CHAC2: variants seen among roughly 807,000 people sequenced by gnomAD.
CHAC2 encodes the protein glutathione-specific gamma-glutamylcyclotransferase 2.
A neutral mutation model predicts 16.9 loss-of-function variants in CHAC2; 20 were observed. That is an observed-to-expected ratio of 1.18 (90% CI 0.83 to 1.72). The LOEUF is 1.72. Ranked by LOEUF, CHAC2 falls within the 40% of genes most tolerant of loss-of-function variation. The probability of loss-of-function intolerance (pLI) is 0.00; values close to 1 mark genes in which losing one functional copy is unlikely to be tolerated. For synonymous variants in CHAC2, 91 were observed against 77.3 expected, an observed-to-expected ratio of 1.18 and a Z score of -0.93; for missense variants, 269 against 222.2, an observed-to-expected ratio of 1.21 and a Z score of -1.34.
At chr2:53,768,236 G>A (rs188157536) in intron 1 of CHAC2, 36 of 560,588 alleles carry the variant, frequency 6.4e-5, no homozygotes, top group African/African-American at 6.2e-4. Flanking sequence ...AGATGCCGGT[G>A]GTTAGTCTCT....
Position 53,774,614 on chromosome 2 carries a change from G to A in CHAC2, c.*89G>A. 1.0e-6 allele frequency: 1 copy of A among 959,918 alleles called. No individual in the cohort carries two copies. The highest frequency in any genetic ancestry group is 2.4e-5 in the South Asian group (1 of 42,518). The allele number at this position is 959,918 out of a possible 1,614,324, so 59.5% of individuals were successfully genotyped here. A position where few individuals can be genotyped will look rare whatever the true frequency, so the allele number is the denominator to read the frequency against. On this transcript the variant is annotated 3_prime_UTR_variant, in exon 3 of 3. Coordinates refer to ENST00000295304, the MANE Select transcript of CHAC2 (RefSeq NM_001008708.4). ...AAAGATCTTATTTTTAATGTAGTGA[G>A]GATATTATTTAAACTTTTATTTTAA...
rs1033549820 is a variant in CHAC2 at position 53,774,660 on chromosome 2, A to G, written c.*135A>G. 6.5e-6 allele frequency: 4 copies of G among 619,062 alleles called. No homozygotes were observed. Among genetic ancestry groups the G allele is most frequent in the African/African-American group, 5.7e-5 (3 of 52,602 alleles). The allele number at this position is 619,062 out of a possible 1,614,324, so 38.3% of individuals were successfully genotyped here. On this transcript the variant is annotated 3_prime_UTR_variant, in exon 3 of 3. Transcript: ENST00000295304. ...TTTAACTGGAAATGTCCTGAAACACATATTTAAAATATTGGGATACAGTGA... is the reference window on the plus strand; with the variant it reads ...TTTAACTGGAAATGTCCTGAAACACGTATTTAAAATATTGGGATACAGTGA...
At chr2:53,769,765 T>C (rs1436227526) in intron 1 of CHAC2, among the ~76,000 whole-genome samples, 4 of 152,122 alleles carry the variant, frequency 2.6e-5, no homozygotes, top group African/African-American at 9.7e-5. Flanking sequence ...GGAGAATCGC[T>C]TGGGAGGCAG....
intron 1 of CHAC2, among the ~76,000 whole-genome samples, chr2:53,768,853 A>T (rs1673687384): frequency 6.6e-6 from 1 of 152,268 alleles, no homozygotes; most frequent in African/African-American, 2.4e-5. Flanking sequence ...CAACTAATCC[A>T]TAAAGAAAAC....
At chr2:53,767,799 C>T, upstream of CHAC2, 7 of 1,502,708 alleles carry the variant, frequency 4.7e-6, no homozygotes, top group Non-Finnish European at 6.3e-6. Flanking sequence ...CCCGCGCGGC[C>T]GGTTACTCGC....
At position 53,774,204 on chromosome 2, in the gene CHAC2, C is replaced by T; in HGVS notation, c.234C>T (p.Tyr78=). The T allele has an allele frequency of 6.2e-7, 1 of 1,613,846 alleles. No homozygotes were observed. The highest frequency in any genetic ancestry group is 8.5e-7 in the Non-Finnish European group (1 of 1,179,908). ...GAAAGGAAGAAGAAGTAAAAGCATA[C>T]CTTGACTTCAGAGAAAAAGGAGGCT... ...PVGKEEEVKA[Y]LDFREKGGYR... Residue 78 remains tyrosine (Y), a synonymous_variant, in exon 3 of 3, where the codon TAC becomes TAT. Transcript: ENST00000295304.
Position 53,774,511 on chromosome 2 carries a change from C to T in CHAC2, c.541C>T (p.Leu181Phe), listed in dbSNP as rs766644889. ...VKERLEGKQN[L>F]NCI ...GGAACGTTTAGAAGGGAAACAGAAC[C>T]TCAATTGCATATAATTTAGTCTTCA... Residue 181 changes from leucine (L) to phenylalanine (F), a missense_variant, in exon 3 of 3, where the codon CTC becomes TTC. Transcript: ENST00000295304. 24 of 1,544,414 alleles carry T rather than the reference C, an allele frequency of 1.6e-5. No homozygotes were observed. Among genetic ancestry groups the T allele is most frequent in the South Asian group, 1.3e-4 (10 of 77,624 alleles).
At chr2:53,768,102 AGAACCACACCTTAGC>A (rs1673621025) in intron 1 of CHAC2, 81 bp downstream of exon 1, 1 of 1,523,402 alleles carries the variant, frequency 6.6e-7, no homozygotes, top group Non-Finnish European at 8.9e-7. Context: ...CACACCCTAG[AGAACCACACCTTAGC>A]GCTTCATGGG....
intron 1 of CHAC2, chr2:53,768,274 C>A: frequency 2.3e-6 from 1 of 433,556 alleles, no homozygotes; most frequent in Non-Finnish European, 4.1e-6. Context: ...CGGGCACAGG[C>A]GCACGAGCTC....
In CHAC2 at chr2:53,768,014, C is replaced by G; in HGVS notation, c.128C>G (p.Pro43Arg). The change falls in exon 1 of 3, where the codon CCC becomes CGC. Residue 43 changes from proline (P) to arginine (R), a missense_variant. Physicochemically the swap from Pro to Arg is moderately radical, Grantham distance 103. Transcript: ENST00000295304. Reference sequence around the variant, plus strand: ...GGCAGCACGGACCACCGCGGGGTCCCCGGCAAGGTGAGGCGCCGGTCAGCT... The same window carrying G: ...GGCAGCACGGACCACCGCGGGGTCCGCGGCAAGGTGAGGCGCCGGTCAGCT... The part of the protein sequence containing the change: ...WQGSTDHRGV[P>R]GKPGRVVTLV... 2.0e-5 allele frequency: 32 copies of G among 1,613,508 alleles called. No individual in the cohort carries two copies. The highest frequency in any genetic ancestry group is 2.7e-5 in the Non-Finnish European group (32 of 1,179,968).
At chr2:53,771,885 T>C in intron 1 of CHAC2, 22 bp from the exon 2 acceptor site, 1 of 1,509,142 alleles carries the variant, frequency 6.6e-7, no homozygotes, top group Non-Finnish European at 9.1e-7. Context: ...CAGAAAAATT[T>C]TTTTTTACCT....
intron 1 of CHAC2, among the ~76,000 whole-genome samples, chr2:53,768,858 G>C (rs1673687561): frequency 6.6e-6 from 1 of 152,140 alleles, no homozygotes; most frequent in African/African-American, 2.4e-5. Flanking sequence ...AATCCATAAA[G>C]AAAACTAAGA....
intron 1 of CHAC2, 52 bp downstream of exon 1, chr2:53,768,073 C>G: frequency 6.3e-7 from 1 of 1,596,534 alleles, no homozygotes; most frequent in Non-Finnish European, 8.5e-7. Flanking sequence ...CCCTGCTCCC[C>G]AACTCCACAC....
At position 53,768,005 on chromosome 2, in the gene CHAC2, G is replaced by A. The variant is rs762622289; in HGVS notation, c.119G>A (p.Arg40His). The A allele has an allele frequency of 2.9e-5, 46 of 1,613,454 alleles. No homozygotes were observed. Among genetic ancestry groups the A allele is most frequent in the Middle Eastern group, 1.6e-4 (1 of 6,080 alleles). The change falls in exon 1 of 3, where the codon CGC (arginine) becomes CAC (histidine). Residue 40 changes from arginine to histidine, a missense_variant. Coordinates refer to ENST00000295304, the MANE Select transcript of CHAC2 (RefSeq NM_001008708.4). The part of the protein sequence containing the change: ...RRFWQGSTDH[R>H]GVPGKPGRVV... Reference sequence around the variant, plus strand: ...TTCTGGCAGGGCAGCACGGACCACCGCGGGGTCCCCGGCAAGGTGAGGCGC... The same window carrying A: ...TTCTGGCAGGGCAGCACGGACCACCACGGGGTCCCCGGCAAGGTGAGGCGC...
In CHAC2 at chr2:53,774,218, A is replaced by T; in HGVS notation, c.248A>T (p.Glu83Val). ...GTAAAAGCATACCTTGACTTCAGAG[A>T]AAAAGGAGGCTACAGAACCACAACA... is the stretch of plus-strand genomic sequence containing the variant. ...EEVKAYLDFR[E>V]KGGYRTTTVI... Residue 83 changes from glutamate to valine, a missense_variant, in exon 3 of 3, where the codon GAA (glutamate) becomes GTA (valine). Glu to Val is a moderately radical substitution (Grantham distance 121). Coordinates refer to ENST00000295304, the MANE Select transcript of CHAC2 (RefSeq NM_001008708.4). 1.2e-6 allele frequency: 2 copies of T among 1,613,890 alleles called. No individual in the cohort carries two copies. Among genetic ancestry groups the T allele is most frequent in the South Asian group, 2.2e-5 (2 of 91,036 alleles).
chr2:53,774,345 A>G lies in CHAC2; in HGVS notation c.375A>G (p.Glu125=). ...ATTATCTTGGTCCTGCACCTCTGGA[A>G]GACATTGCTGAACAAATTTTTAATG... ...NPDYLGPAPL[E]DIAEQIFNAA... The change falls in exon 3 of 3, where the codon GAA becomes GAG. Residue 125 remains glutamate (E), a synonymous_variant. Transcript: ENST00000295304. 6.2e-7 allele frequency: 1 copy of G among 1,613,482 alleles called. No individual in the cohort carries two copies. The highest frequency in any genetic ancestry group is 8.5e-7 in the Non-Finnish European group (1 of 1,179,884).
At position 53,767,994 on chromosome 2, in the gene CHAC2, C is replaced by G. The variant is rs200108276; in HGVS notation, c.108C>G (p.Ser36Arg). The G allele has an allele frequency of 6.2e-5, 100 of 1,611,330 alleles. No individual in the cohort carries two copies. Among genetic ancestry groups the G allele is most frequent in the Non-Finnish European group, 5.1e-6 (6 of 1,177,688 alleles). Residue 36 changes from serine (S) to arginine (R), a missense_variant, in exon 1 of 3, where the codon AGC becomes AGG. Coordinates refer to ENST00000295304, the MANE Select transcript of CHAC2 (RefSeq NM_001008708.4). ...TNYSRRFWQG[S>R]TDHRGVPGKP... ...ACAGCAGGCGCTTCTGGCAGGGCAG[C>G]ACGGACCACCGCGGGGTCCCCGGCA...
Position 53,767,831 on chromosome 2 carries a change from G to C in CHAC2, c.-56G>C, listed in dbSNP as rs974485124. 1.8e-5 allele frequency: 28 copies of C among 1,554,708 alleles called. 1 individual carries two copies. In the South Asian group the frequency reaches 2.7e-4, roughly 15 times the overall value. ...TCGCTTACCGGAGGCTTCAGTCCCC[G>C]GCGGCGCGGCGACAGCTAGGGTTCA... On this transcript the variant is annotated 5_prime_UTR_variant, in exon 1 of 3. Transcript: ENST00000295304.
At chr2:53,771,440 G>A (rs1673902823) in intron 1 of CHAC2, among the ~76,000 whole-genome samples, 2 of 152,142 alleles carry the variant, frequency 1.3e-5, no homozygotes, top group African/African-American at 2.4e-5. Flanking sequence ...TTGAGCCCGA[G>A]AGTTGGAGGT....
Sources: allele counts gnomAD v4.1 joint callset (sites outside exome capture counted in the v4.1 genomes callset), GRCh38; gene constraint gnomAD v4.1.1; transcripts MANE v1.5; gene names NCBI Gene and HGNC (gene_info 2026-07-23, HGNC 2026-07-21).